MROH9: variants seen among roughly 807,000 people sequenced by gnomAD.
MROH9 encodes the protein maestro heat-like repeat-containing protein family member 9.
Under a neutral mutation model 98.2 loss-of-function variants are expected in MROH9, and 92 were observed. The ratio of observed to expected loss-of-function variants is 0.94; its 90% CI spans 0.79 to 1.11. The LOEUF is 1.11. Ranked by LOEUF, MROH9 falls within the 50% of genes most tolerant of loss-of-function variation. The pLI is 0.00. For missense variants in MROH9, 1,057 were observed against 1,014.8 expected (o/e 1.04, Z -0.57); for synonymous variants, 397 against 368.9 (o/e 1.08, Z -0.87).
chr1:170,995,210 T>C (rs1349883503), intron 12 of MROH9, among the ~76,000 whole-genome samples, 179 bp from the exon 13 acceptor site: 1 of 152,188 alleles, frequency 6.6e-6, no homozygotes, highest in African/African-American at 2.4e-5. Context: ...ACACAGTTCC[T>C]AGCTCACAAC....
chr1:171,060,232 T>C (rs1653970571), intron 20 of MROH9, among the ~76,000 whole-genome samples: 5 of 152,030 alleles, frequency 3.3e-5, no homozygotes, highest in Admixed American at 3.3e-4. Context: ...AACTAAGAAA[T>C]GTTGCACAAA....
intron 8 of MROH9, among the ~76,000 whole-genome samples, chr1:170,975,237 A>C (rs1650635815): frequency 6.6e-6 from 1 of 152,172 alleles, no homozygotes; most frequent in Non-Finnish European, 1.5e-5. Flanking sequence ...CACTTTAAAT[A>C]TAAAACATAC....
chr1:171,003,475 G>A (rs1651851438), intron 15 of MROH9, among the ~76,000 whole-genome samples: 1 of 152,172 alleles, frequency 6.6e-6, no homozygotes, highest in Non-Finnish European at 1.5e-5. Flanking sequence ...TGTGGATGTG[G>A]CTTCCTGTGA....
At chr1:170,998,312 T>C (rs771145013) in intron 15 of MROH9, 38 bp downstream of exon 15, 1 of 1,613,338 alleles carries the variant, frequency 6.2e-7, no homozygotes, top group South Asian at 1.1e-5. Context: ...TGTTCTCATT[T>C]CCTTTTCTTA....
intron 6 of MROH9, among the ~76,000 whole-genome samples, chr1:170,962,577 A>G (rs1406524403): frequency 2.6e-5 from 4 of 152,170 alleles, no homozygotes; most frequent in Non-Finnish European, 5.9e-5. Context: ...AAGTACTGGA[A>G]AAATAGATGG....
intron 6 of MROH9, among the ~76,000 whole-genome samples, chr1:170,962,986 G>A (rs1202914230): frequency 1.3e-5 from 2 of 151,978 alleles, no homozygotes; most frequent in African/African-American, 2.4e-5. Context: ...TTGACAAATG[G>A]GATCTAATTA....
intron 20 of MROH9, among the ~76,000 whole-genome samples, chr1:171,048,444 G>A (rs921996176): frequency 6.6e-6 from 1 of 152,140 alleles, no homozygotes; most frequent in Non-Finnish European, 1.5e-5. Context: ...ACGTCATGAG[G>A]AGTACTGCCA....
chr1:171,000,873 CT>C (rs1258828221), intron 15 of MROH9, among the ~76,000 whole-genome samples: 6 of 151,716 alleles, frequency 4.0e-5, no homozygotes, highest in Non-Finnish European at 7.4e-5. Context: ...TGGTCCTGGA[CT>C]TTTTTTTGTT....
At chr1:170,968,201 C>G (rs1025737092) in intron 7 of MROH9, among the ~76,000 whole-genome samples, 2 of 152,100 alleles carry the variant, frequency 1.3e-5, no homozygotes, top group Non-Finnish European at 2.9e-5. Flanking sequence ...ATGATAAGGG[C>G]TGGGAGTCAA....
intron 17 of MROH9, among the ~76,000 whole-genome samples, chr1:171,021,007 G>A (rs1283521608): frequency 3.3e-5 from 5 of 151,946 alleles, no homozygotes; most frequent in Admixed American, 6.6e-5. Flanking sequence ...ACACTCATTC[G>A]CAATTGCTAC....
intron 15 of MROH9, 94 bp from the exon 16 acceptor site, chr1:171,014,023 A>C (rs953747734): frequency 9.7e-7 from 1 of 1,031,388 alleles, no homozygotes; most frequent in Non-Finnish European, 1.4e-6. Flanking sequence ...TGAGATTTGC[A>C]TTCTAGTTTT....
At chr1:171,002,676 C>T (rs1391968541) in intron 15 of MROH9, among the ~76,000 whole-genome samples, 1 of 152,194 alleles carries the variant, frequency 6.6e-6, no homozygotes, top group Admixed American at 6.5e-5. Flanking sequence ...TGTCTAACAG[C>T]TCTTAAGATT....
At chr1:171,004,981 AT>A (rs113441950) in intron 15 of MROH9, among the ~76,000 whole-genome samples, 33,821 of 147,554 alleles carry the variant, frequency 0.23, 5,226 homozygotes, top group African/African-American at 0.45. Flanking sequence ...CACAAACCTT[AT>A]TTTTTTTTTT....
intron 10 of MROH9, among the ~76,000 whole-genome samples, chr1:170,987,659 C>G (rs1287769751): frequency 6.6e-6 from 1 of 152,166 alleles, no homozygotes; most frequent in Non-Finnish European, 1.5e-5. Flanking sequence ...AGCTCATGTG[C>G]AGAATCACCA....
chr1:171,018,781 G>A lies in MROH9; in HGVS notation c.1908+2445G>A, dbSNP rs540150184. The stretch of plus-strand genomic sequence containing the variant: ...ATACACAAGTATCAATAGCTGAATC[G>A]ATGAAGCAGAAGAAACGATATCAGA... On this transcript the variant is annotated intron_variant, in intron 17 of 21. Coordinates refer to ENST00000367759, the MANE Select transcript of MROH9 (RefSeq NM_001163629.2). Among the ~76,000 whole-genome samples, 9 of 152,290 alleles carry A rather than the reference G, an allele frequency of 5.9e-5. No homozygotes were observed. In the East Asian group the frequency reaches 1.5e-3, roughly 26 times the overall value.
chr1:171,064,131 A>G lies in MROH9; in HGVS notation c.2377A>G (p.Met793Val), dbSNP rs1420155411. The change falls in exon 22 of 22, where the codon ATG becomes GTG. Residue 793 changes from methionine (M) to valine (V), a missense_variant. Met to Val is a conservative substitution (Grantham distance 21). Coordinates refer to ENST00000367759, the MANE Select transcript of MROH9 (RefSeq NM_001163629.2). ...IERLLRDEDP[M>V]IKQLAEITYD... ...ACGACTGCTCCGAGATGAAGACCCT[A>G]TGATCAAACAGTTGGCTGAAATAAC... The G allele has an allele frequency of 1.3e-6, 2 of 1,550,212 alleles. No homozygotes were observed. Among genetic ancestry groups the G allele is most frequent in the Non-Finnish European group, 1.7e-6 (2 of 1,146,694 alleles).
chr1:170,976,248 C>A (rs1650681937), intron 8 of MROH9, among the ~76,000 whole-genome samples: 1 of 152,138 alleles, frequency 6.6e-6, no homozygotes, highest in Non-Finnish European at 1.5e-5. Context: ...TATTACTGGT[C>A]TGTGTACTTC....
chr1:171,062,591 C>T (rs1051638718), intron 21 of MROH9, among the ~76,000 whole-genome samples: 3 of 152,202 alleles, frequency 2.0e-5, no homozygotes, highest in African/African-American at 7.2e-5. Context: ...ATAAAGCAGT[C>T]TCTTCCCTCA....
At chr1:170,991,501 A>G (rs1306786968) in intron 11 of MROH9, among the ~76,000 whole-genome samples, 1 of 152,140 alleles carries the variant, frequency 6.6e-6, no homozygotes, top group Non-Finnish European at 1.5e-5. Context: ...TGAATTGGCA[A>G]GGTATCAGAA....
Sources: allele counts gnomAD v4.1 joint callset (sites outside exome capture counted in the v4.1 genomes callset), GRCh38; gene constraint gnomAD v4.1.1; transcripts MANE v1.5; gene names NCBI Gene and HGNC (gene_info 2026-07-23, HGNC 2026-07-21).